ROR1: variants seen among roughly 807,000 people sequenced by gnomAD.
ROR1 encodes the protein inactive tyrosine-protein kinase transmembrane receptor ROR1.
ROR1 carries 19 observed loss-of-function variants against 78.8 expected under a neutral mutation model. That is an observed-to-expected ratio of 0.24 (90% CI 0.17 to 0.35). The LOEUF (loss-of-function observed/expected upper bound fraction) is 0.35, where lower values mean the gene tolerates loss of function less well. Among genes scored for constraint, ROR1 ranks in the 10% least tolerant of loss-of-function variants. The pLI is 1.00. For synonymous variants in ROR1, 386 were observed against 433.6 expected, an observed-to-expected ratio of 0.89 and a Z score of 1.36; for missense variants, 917 against 1,177.8, an observed-to-expected ratio of 0.78 and a Z score of 3.24.
chr1:63,780,540 T>A (rs1644644737), intron 1 of ROR1, among the ~76,000 whole-genome samples: 2 of 152,214 alleles, frequency 1.3e-5, no homozygotes, highest in Non-Finnish European at 2.9e-5. Context: ...ACCATCATTA[T>A]CAAGGGCTTA....
At chr1:64,138,181 C>T in intron 5 of ROR1, among the ~76,000 whole-genome samples, 1 of 152,190 alleles carries the variant, frequency 6.6e-6, no homozygotes, top group East Asian at 1.9e-4. Context: ...GCTTTGTCCC[C>T]TTCCATTAGT....
At chr1:63,899,437 A>G (rs775284003) in intron 1 of ROR1, among the ~76,000 whole-genome samples, 1 of 152,026 alleles carries the variant, frequency 6.6e-6, no homozygotes, top group African/African-American at 2.4e-5. Context: ...CTAAATTTGC[A>G]TACTTTGTAG....
intron 1 of ROR1, among the ~76,000 whole-genome samples, chr1:63,989,646 T>A (rs1646279413): frequency 6.6e-6 from 1 of 152,206 alleles, no homozygotes; most frequent in African/African-American, 2.4e-5. Flanking sequence ...AGCTATCAAG[T>A]ATTCACTAGT....
chr1:63,826,375 A>G lies in ROR1; in HGVS notation c.91+51867A>G, dbSNP rs187794058. Among the ~76,000 whole-genome samples the G allele has an allele frequency of 3.3e-5, 5 of 152,280 alleles. No individual in the cohort carries two copies. The East Asian group carries it at 9.7e-4, about 29-fold the overall frequency. ...TTTCTATTCCTGAGTTAGTTGGCTA[A>G]GGATAATGGCCTCCAGCTCCATCCA... On this transcript the variant is annotated intron_variant, in intron 1 of 8. Coordinates refer to ENST00000371079, the MANE Select transcript of ROR1 (RefSeq NM_005012.4).
intron 4 of ROR1, among the ~76,000 whole-genome samples, chr1:64,070,072 C>T (rs1646991049): frequency 6.6e-6 from 1 of 152,168 alleles, no homozygotes; most frequent in Admixed American, 6.5e-5. Flanking sequence ...CTACTCTGGA[C>T]ATTTCATATA....
chr1:63,895,070 G>A (rs971236440), intron 1 of ROR1, among the ~76,000 whole-genome samples: 2 of 152,160 alleles, frequency 1.3e-5, no homozygotes, highest in Admixed American at 1.3e-4. Context: ...GTTATGGCAT[G>A]CTTGTGTTTT....
intron 1 of ROR1, among the ~76,000 whole-genome samples, chr1:63,999,002 T>G (rs946666405): frequency 5.9e-5 from 9 of 152,192 alleles, no homozygotes; most frequent in Non-Finnish European, 5.9e-5. Flanking sequence ...AAGAAGTACC[T>G]TTCGCCTTCC....
chr1:63,893,148 A>G (rs958098058), intron 1 of ROR1, among the ~76,000 whole-genome samples: 3 of 151,962 alleles, frequency 2.0e-5, no homozygotes, highest in African/African-American at 7.3e-5. Context: ...TCGAGGGGAG[A>G]TTGACTGTGT....
intron 1 of ROR1, among the ~76,000 whole-genome samples, chr1:63,987,675 T>A (rs1231104098): frequency 2.0e-5 from 3 of 152,200 alleles, no homozygotes; most frequent in African/African-American, 7.2e-5. Flanking sequence ...AACAACATTC[T>A]CTTTGCATTA....
chr1:64,141,951 A>G (rs1649329651), intron 6 of ROR1, among the ~76,000 whole-genome samples: 1 of 152,160 alleles, frequency 6.6e-6, no homozygotes, highest in Non-Finnish European at 1.5e-5. Context: ...TTAGAAACCC[A>G]GAATGCACAG....
Position 63,809,143 on chromosome 1 carries a change from G to A in ROR1, c.91+34635G>A, listed in dbSNP as rs189531280. 5.9e-4 allele frequency among the ~76,000 whole-genome samples: 90 copies of A among 152,264 alleles called. 1 individual carries two copies. The highest frequency in any genetic ancestry group is 1.6e-3 in the Admixed American group (24 of 15,302). ...GCAAGGCATGGCAATCCCATAGTTTGTAGGTGATATGGAAAAGGTAGTGTC... is the reference window on the plus strand; with the variant it reads ...GCAAGGCATGGCAATCCCATAGTTTATAGGTGATATGGAAAAGGTAGTGTC... On this transcript the variant is annotated intron_variant, in intron 1 of 8. Transcript: ENST00000371079.
At chr1:64,160,741 A>G (rs931044569) in intron 8 of ROR1, among the ~76,000 whole-genome samples, 1 of 152,192 alleles carries the variant, frequency 6.6e-6, no homozygotes, top group Non-Finnish European at 1.5e-5. Context: ...CATGACTTCA[A>G]GCTTCTAGTG....
chr1:63,874,152 C>T (rs1440592362), intron 1 of ROR1, among the ~76,000 whole-genome samples: 1 of 152,090 alleles, frequency 6.6e-6, no homozygotes, highest in Non-Finnish European at 1.5e-5. Flanking sequence ...GAGAGAGGAA[C>T]TTGAGATAAA....
intron 2 of ROR1, among the ~76,000 whole-genome samples, chr1:64,014,702 G>A (rs61520011): frequency 0.034 from 2,132 of 62,036 alleles, 47 homozygotes; most frequent in Middle Eastern, 0.066. Flanking sequence ...ATAGTTCTCT[G>A]TGCTGACAGA....
intron 4 of ROR1, among the ~76,000 whole-genome samples, chr1:64,114,319 G>A (rs533483741): frequency 3.9e-5 from 6 of 152,262 alleles, no homozygotes; most frequent in African/African-American, 1.4e-4. Flanking sequence ...GAAAGTTAAT[G>A]CCCTTTTGAT....
chr1:63,912,747 C>T (rs755094645), intron 1 of ROR1, among the ~76,000 whole-genome samples: 6 of 152,078 alleles, frequency 3.9e-5, no homozygotes, highest in Non-Finnish European at 7.4e-5. Context: ...GGGAATGATA[C>T]GGGCTGTTCT....
chr1:63,992,230 G>A (rs183014972), intron 1 of ROR1, among the ~76,000 whole-genome samples: 203 of 151,658 alleles, frequency 1.3e-3, no homozygotes, highest in Admixed American at 3.3e-3. Flanking sequence ...TTTTGAGATG[G>A]AGTCTTGCTC....
rs371245939 is a variant in ROR1 at position 64,157,635 on chromosome 1, T to G, written c.1175-1346T>G. Among the ~76,000 whole-genome samples the G allele has an allele frequency of 3.9e-5, 6 of 152,358 alleles. No homozygotes were observed. In the East Asian group the frequency reaches 9.6e-4, roughly 24 times the overall value. ...AGTAAAAACTACATATGGTTTATTC[T>G]CATTTACATGTACTAGGGTAACTCA... On this transcript the variant is annotated intron_variant, in intron 7 of 8. Coordinates refer to ENST00000371079, the MANE Select transcript of ROR1 (RefSeq NM_005012.4).
At chr1:64,150,145 C>T (rs979347091) in intron 7 of ROR1, among the ~76,000 whole-genome samples, 1 of 152,158 alleles carries the variant, frequency 6.6e-6, no homozygotes, top group African/African-American at 2.4e-5. Context: ...GCCATGCCAG[C>T]ATGTCTGTTT....
Sources: allele counts gnomAD v4.1 joint callset (sites outside exome capture counted in the v4.1 genomes callset), GRCh38; gene constraint gnomAD v4.1.1; transcripts MANE v1.5; gene names NCBI Gene and HGNC (gene_info 2026-07-23, HGNC 2026-07-21).